The following MEIG1 variants were observed in gnomAD, a reference collection of about 807,000 sequenced individuals.
MEIG1 encodes meiosis/spermiogenesis associated 1.
Under a neutral mutation model 11.3 loss-of-function variants are expected in MEIG1, and 12 were observed. That is an observed-to-expected ratio of 1.07 (90% CI 0.68 to 1.73). The LOEUF (loss-of-function observed/expected upper bound fraction) is 1.73, where lower values mean the gene tolerates loss of function less well. MEIG1 is among the 40% of genes most tolerant of loss of function. MEIG1 has a pLI of 0.00. For synonymous variants in MEIG1, 41 were observed against 33.2 expected (o/e 1.24, Z -0.81); for missense variants, 119 against 104.9 (o/e 1.13, Z -0.59).
intron 1 of MEIG1, among the ~76,000 whole-genome samples, chr10:14,982,545 T>C (rs1016915423): frequency 1.3e-5 from 2 of 152,108 alleles, no homozygotes; most frequent in Non-Finnish European, 2.9e-5. Flanking sequence ...GGGGTATTGT[T>C]TTCCCAGTTG....
intron 1 of MEIG1, among the ~76,000 whole-genome samples, chr10:14,965,542 A>G (rs1317759991): frequency 2.0e-5 from 3 of 152,186 alleles, no homozygotes; most frequent in African/African-American, 7.2e-5. Context: ...ATCAGGTACT[A>G]CAGTGACCTC....
chr10:14,974,714 C>A (rs1970513), downstream of MEIG1, among the ~76,000 whole-genome samples: 2 of 151,766 alleles, frequency 1.3e-5, no homozygotes, highest in Non-Finnish European at 2.9e-5. Context: ...GTTATACTCA[C>A]GATAACAATA....
In MEIG1 at chr10:14,972,524, G is replaced by A. The variant is rs763405118; in HGVS notation, c.150G>A (p.Trp50Ter). 6.8e-6 allele frequency: 11 copies of A among 1,614,024 alleles called. No individual in the cohort carries two copies. The highest frequency in any genetic ancestry group is 1.6e-4 in the Middle Eastern group (1 of 6,062). The part of the protein sequence containing the change: ...QVKQVSMVDR[W>*]PETGYVKKLQ... ...TTCTTGATGTGCAGGTAGATCGTTG[G>A]CCGGAGACAGGATATGTGAAGAAAC... Residue 50 changes from tryptophan (W) to a stop codon, truncating the protein, a stop_gained, in exon 3 of 3, where the codon TGG becomes TGA. Coordinates refer to ENST00000407572, the MANE Select transcript of MEIG1 (RefSeq NM_001080836.3). LOFTEE classifies it high-confidence loss of function.
At chr10:14,979,002 T>C (rs1442682285) in intron 1 of MEIG1, among the ~76,000 whole-genome samples, 1 of 152,084 alleles carries the variant, frequency 6.6e-6, no homozygotes, top group Non-Finnish European at 1.5e-5. Flanking sequence ...TCACCCGGCG[T>C]GTACACCTTG....
Position 14,979,856 on chromosome 10 carries a change from G to A in MEIG1, n.67-6940G>A, listed in dbSNP as rs572141243. Among the ~76,000 whole-genome samples the A allele has an allele frequency of 2.6e-5, 4 of 152,076 alleles. No individual in the cohort carries two copies. In the East Asian group the frequency reaches 7.7e-4, roughly 29 times the overall value. Reference sequence around the variant, plus strand: ...TATAACTTTTAATATCGCAGTGGGTGTACACACTGTGATACTATTCGTTAT... The same window carrying A: ...TATAACTTTTAATATCGCAGTGGGTATACACACTGTGATACTATTCGTTAT... On this transcript the variant is annotated intron_variant and non_coding_transcript_variant, in intron 1 of 2. Coordinates refer to the MEIG1 transcript ENST00000467536.
chr10:14,972,504 G>A lies in MEIG1; in HGVS notation c.139-9G>A. 1 of 1,613,936 alleles carries A rather than the reference G, an allele frequency of 6.2e-7. No homozygotes were observed. The highest frequency in any genetic ancestry group is 8.5e-7 in the Non-Finnish European group (1 of 1,179,900). On this transcript the variant is annotated splice_polypyrimidine_tract_variant and intron_variant, in intron 2 of 2. Coordinates refer to ENST00000407572, the MANE Select transcript of MEIG1 (RefSeq NM_001080836.3). ...TTGTAACGTTTGTACTCTGGTTCTTGATGTGCAGGTAGATCGTTGGCCGGA... is the reference window on the plus strand; with the variant it reads ...TTGTAACGTTTGTACTCTGGTTCTTAATGTGCAGGTAGATCGTTGGCCGGA...
At chr10:14,957,764 G>A (rs186885813), upstream of MEIG1, among the ~76,000 whole-genome samples, 1 of 152,148 alleles carries the variant, frequency 6.6e-6, no homozygotes. Context: ...TCCTGCCTCA[G>A]CCTCCCGAGT....
intron 1 of MEIG1, among the ~76,000 whole-genome samples, chr10:14,982,975 C>T (rs1010656892): frequency 6.6e-6 from 1 of 151,878 alleles, no homozygotes; most frequent in African/African-American, 2.4e-5. Flanking sequence ...TTTTTATGAG[C>T]AATTATTTCT....
chr10:14,961,637 A>ATTTTTTTTTTTTTTT (rs1843013791), intron 1 of MEIG1, among the ~76,000 whole-genome samples: 1 of 39,582 alleles, frequency 2.5e-5, no homozygotes, highest in African/African-American at 7.2e-5. Context: ...GCATCCGGCT[A>ATTTTTTTTTTTTTTT]ATTTTTTTTT....
chr10:14,974,470 C>G (rs1042066687), downstream of MEIG1, among the ~76,000 whole-genome samples: 4 of 152,070 alleles, frequency 2.6e-5, no homozygotes, highest in Non-Finnish European at 4.4e-5. Flanking sequence ...AAACACGCCT[C>G]TCCACTACGT....
At chr10:14,955,057 G>C (rs1842904327), upstream of MEIG1, among the ~76,000 whole-genome samples, 1 of 152,192 alleles carries the variant, frequency 6.6e-6, no homozygotes, top group Admixed American at 6.5e-5. Flanking sequence ...TCAGCCTCCA[G>C]AGTAGCTGGG....
intron 2 of MEIG1, chr10:14,987,465 A>G: frequency 2.8e-6 from 2 of 715,612 alleles, no homozygotes; most frequent in Non-Finnish European, 5.2e-6. Flanking sequence ...CACCTTGAGA[A>G]GGAAAGAGGA....
chr10:14,977,636 A>C (rs553869969), downstream of MEIG1, among the ~76,000 whole-genome samples: 87 of 151,850 alleles, frequency 5.7e-4, no homozygotes, highest in African/African-American at 9.7e-4. Flanking sequence ...CAAGAGATAT[A>C]ACTCCTAATA....
At chr10:14,969,466 A>G (rs563674930) in intron 2 of MEIG1, among the ~76,000 whole-genome samples, 1 of 151,872 alleles carries the variant, frequency 6.6e-6, no homozygotes, top group Non-Finnish European at 1.5e-5. Context: ...AAAAAGAAAA[A>G]AGGAAAAAAG....
intron 1 of MEIG1, among the ~76,000 whole-genome samples, chr10:14,984,029 G>A (rs1369422726): frequency 6.6e-6 from 1 of 152,060 alleles, no homozygotes; most frequent in Non-Finnish European, 1.5e-5. Context: ...AATATCCAGG[G>A]GCAAGAGGAT....
At chr10:14,972,491 T>C (rs771863701) in intron 2 of MEIG1, 22 bp from the exon 3 acceptor site, 1 of 1,613,870 alleles carries the variant, frequency 6.2e-7, no homozygotes, top group South Asian at 1.1e-5. Flanking sequence ...GTAACGTTTG[T>C]ACTCTGGTTC....
At chr10:14,987,913 C>A (rs1406596702) in exon 3 of MEIG1, 1 of 153,408 alleles carries the variant, frequency 6.5e-6, no homozygotes. Flanking sequence ...AGCTACGACC[C>A]CATTATCTGA....
At chr10:14,961,600 T>C (rs1453450100) in intron 1 of MEIG1, among the ~76,000 whole-genome samples, 3 of 148,360 alleles carry the variant, frequency 2.0e-5, no homozygotes, top group Non-Finnish European at 4.5e-5. Context: ...CCTCCCGAAG[T>C]AGCTGGGACT....
rs966123712 is a variant in MEIG1 at position 14,959,469 on chromosome 10, A to C, written c.-118A>C. ...TCGCGGATCCCGAGTAGAGAACGCA[A>C]GCACCCACGCCCGCCTGCAAGCTCC... On this transcript the variant is annotated 5_prime_UTR_variant, in exon 1 of 3. Coordinates refer to ENST00000407572, the MANE Select transcript of MEIG1 (RefSeq NM_001080836.3). 7.2e-5 allele frequency: 11 copies of C among 152,728 alleles called. No homozygotes were observed. Among genetic ancestry groups the C allele is most frequent in the Admixed American group, 7.2e-4 (11 of 15,310 alleles). 9.5% of individuals were successfully genotyped at this position (152,728 alleles called of 1,614,324 possible). A position where few individuals can be genotyped will look rare whatever the true frequency, so the allele number is the denominator to read the frequency against.
Sources: gnomAD v4.1 joint callset for allele counts (sites outside exome capture counted in the v4.1 genomes callset) on GRCh38, gnomAD v4.1.1 for gene constraint, MANE v1.5 for transcripts, NCBI Gene and HGNC (gene_info 2026-07-23, HGNC 2026-07-21) for gene names.